Variants in VPS13C observed in about 807,000 individuals in gnomAD.
The protein encoded by VPS13C is vacuolar protein sorting 13 homolog C, also known as intermembrane lipid transfer protein VPS13C.
In VPS13C, 358 loss-of-function variants were observed where a neutral mutation model predicts 456.8. That is an observed-to-expected ratio of 0.78 (90% confidence interval 0.72 to 0.86). The LOEUF (loss-of-function observed/expected upper bound fraction) is 0.86, where lower values mean the gene tolerates loss of function less well. VPS13C is among the 40% of genes least tolerant of loss of function. The probability of loss-of-function intolerance (pLI) is 0.00; values close to 1 mark genes in which losing one functional copy is unlikely to be tolerated. For synonymous variants in VPS13C, 1,578 were observed against 1,486.7 expected (o/e 1.06, Z -1.41); for missense variants, 4,818 against 4,385.4 (o/e 1.10, Z -2.79).
rs533293823 is a variant in VPS13C at position 62,053,576 on chromosome 15, T to G, written c.100+6699A>C. Among the ~76,000 whole-genome samples the G allele has an allele frequency of 4.6e-5, 7 of 152,358 alleles. No individual in the cohort carries two copies. The South Asian group carries it at 1.4e-3, about 32-fold the overall frequency. ...CACTCATCCAATGAAGGATCTCACG[T>G]TGTTCTTGCCTTGCTCAAATCACAG... On this transcript the variant is annotated intron_variant, in intron 1 of 84. Coordinates refer to ENST00000644861, the MANE Select transcript of VPS13C (RefSeq NM_020821.3).
At chr15:61,946,804 A>T (rs779503085) in intron 43 of VPS13C, among the ~76,000 whole-genome samples, 4 of 152,056 alleles carry the variant, frequency 2.6e-5, no homozygotes, top group Non-Finnish European at 5.9e-5. Context: ...AACATTTACT[A>T]TATTATTAAA....
In VPS13C at chr15:62,037,238, ATATATATAATATATTTATATATATTATAT is replaced by A. The variant is rs1212090665; in HGVS notation, c.188-2215_188-2187del. Among the ~76,000 whole-genome samples, 25 of 53,388 alleles carry A rather than the reference ATATATATAATATATTTATATATATTATAT, an allele frequency of 4.7e-4. 1 individual carries two copies. The highest frequency in any genetic ancestry group is 1.4e-3 in the African/African-American group (18 of 12,908). The allele number at this position is 53,388 out of a possible 152,430, so 35.0% of individuals were successfully genotyped here. ...ATATTATATAATATATTATATATAA[ATATATATAATATATTTATATATATTATAT>A]TATATAATATATTATATATATTATA... On this transcript the variant is annotated intron_variant, in intron 3 of 84. Coordinates refer to ENST00000644861, the MANE Select transcript of VPS13C (RefSeq NM_020821.3).
Position 61,909,134 on chromosome 15 carries a change from G to C in VPS13C, c.8845-9C>G. ...ACCAAGATACCCCCATTCTATTGTA[G>C]AAAAAAAAAAAGTATGTTTGATGTA... On this transcript the variant is annotated splice_polypyrimidine_tract_variant and intron_variant, in intron 64 of 84. Transcript: ENST00000644861. The C allele has an allele frequency of 1.4e-6, 2 of 1,449,166 alleles. No individual in the cohort carries two copies. The highest frequency in any genetic ancestry group is 1.9e-6 in the Non-Finnish European group (2 of 1,065,690). The allele number at this position is 1,449,166 out of a possible 1,614,324, so 89.8% of individuals were successfully genotyped here. A position where few individuals can be genotyped will look rare whatever the true frequency, so the allele number is the denominator to read the frequency against.
chr15:61,987,079 C>T (rs969657751), intron 18 of VPS13C, among the ~76,000 whole-genome samples: 6 of 151,964 alleles, frequency 3.9e-5, no homozygotes, highest in African/African-American at 1.4e-4. Flanking sequence ...GCTAAAATTA[C>T]AATTTTCCCC....
chr15:61,948,729 A>G (rs2044689934), intron 42 of VPS13C, among the ~76,000 whole-genome samples: 1 of 152,108 alleles, frequency 6.6e-6, no homozygotes, highest in African/African-American at 2.4e-5. Flanking sequence ...ATCTAACAGT[A>G]CTGACAGTTT....
At chr15:61,896,043 T>C (rs1314028793) in intron 66 of VPS13C, among the ~76,000 whole-genome samples, 1 of 152,178 alleles carries the variant, frequency 6.6e-6, no homozygotes, top group African/African-American at 2.4e-5. Flanking sequence ...ATATTACAGA[T>C]ATAGCACAAT....
intron 66 of VPS13C, among the ~76,000 whole-genome samples, chr15:61,893,630 G>A (rs1012401307): frequency 4.7e-5 from 7 of 149,938 alleles, no homozygotes; most frequent in Non-Finnish European, 1.0e-4. Flanking sequence ...CATATATCTA[G>A]TATGAAGACT....
At chr15:61,968,309 A>C (rs1364376700) in intron 28 of VPS13C, among the ~76,000 whole-genome samples, 1 of 152,108 alleles carries the variant, frequency 6.6e-6, no homozygotes, top group African/African-American at 2.4e-5. Flanking sequence ...TTAAAAATAC[A>C]AAAATTTTTA....
chr15:61,979,864 G>A (rs2045820804), intron 22 of VPS13C, among the ~76,000 whole-genome samples: 1 of 152,012 alleles, frequency 6.6e-6, no homozygotes, highest in Admixed American at 6.6e-5. Flanking sequence ...AAGATCAGAA[G>A]CATTTCTTCA....
chr15:62,002,611 T>G (rs1460186472), intron 15 of VPS13C, among the ~76,000 whole-genome samples: 1 of 152,216 alleles, frequency 6.6e-6, no homozygotes, highest in African/African-American at 2.4e-5. Flanking sequence ...ATGTCCTGAA[T>G]GGTAATGTCT....
chr15:62,007,833 C>T (rs1169774893), intron 14 of VPS13C, among the ~76,000 whole-genome samples: 2 of 152,026 alleles, frequency 1.3e-5, no homozygotes, highest in African/African-American at 4.8e-5. Flanking sequence ...TGGGAACCGG[C>T]AGGGTGCTCA....
chr15:62,025,536 G>C (rs1209939189), intron 6 of VPS13C, among the ~76,000 whole-genome samples: 2 of 152,030 alleles, frequency 1.3e-5, no homozygotes, highest in East Asian at 3.9e-4. Context: ...CAAAGACATA[G>C]ACTCAGCTGC....
intron 76 of VPS13C, among the ~76,000 whole-genome samples, chr15:61,875,472 G>T (rs1895350471): frequency 6.6e-6 from 1 of 152,012 alleles, no homozygotes; most frequent in Non-Finnish European, 1.5e-5. Context: ...AGTCTTGAAA[G>T]TCTTAATCTA....
At chr15:62,012,680 T>C (rs1037807253) in intron 11 of VPS13C, among the ~76,000 whole-genome samples, 9 of 151,936 alleles carry the variant, frequency 5.9e-5, no homozygotes, top group East Asian at 1.9e-4. Context: ...CAAAGATACA[T>C]GCTTTATATC....
At chr15:61,972,232 G>T (rs1447782965) in intron 27 of VPS13C, among the ~76,000 whole-genome samples, 2 of 152,070 alleles carry the variant, frequency 1.3e-5, no homozygotes, top group Non-Finnish European at 2.9e-5. Flanking sequence ...TGGAAATTTA[G>T]GTTGTTTACA....
intron 16 of VPS13C, among the ~76,000 whole-genome samples, chr15:61,998,301 C>T (rs1317866571): frequency 4.6e-5 from 7 of 152,162 alleles, no homozygotes; most frequent in East Asian, 1.9e-4. Context: ...CACTGACTAG[C>T]TTCAGTGCTC....
intron 62 of VPS13C, among the ~76,000 whole-genome samples, chr15:61,912,345 T>C (rs911979069): frequency 1.3e-5 from 2 of 152,170 alleles, no homozygotes; most frequent in African/African-American, 4.8e-5. Context: ...ATTAGTAAAA[T>C]AAAAATTTTG....
intron 55 of VPS13C, among the ~76,000 whole-genome samples, chr15:61,921,649 G>C (rs574975910): frequency 2.0e-5 from 3 of 152,038 alleles, no homozygotes; most frequent in African/African-American, 7.2e-5. Context: ...AGTGAGAAGA[G>C]GAACATACAC....
At chr15:61,887,584 A>T (rs1429682898) in intron 67 of VPS13C, among the ~76,000 whole-genome samples, 1 of 152,128 alleles carries the variant, frequency 6.6e-6, no homozygotes, top group Non-Finnish European at 1.5e-5. Flanking sequence ...CCAGATACTC[A>T]GGAGGCTGAG....
Sources: allele counts gnomAD v4.1 joint callset (sites outside exome capture counted in the v4.1 genomes callset), GRCh38; gene constraint gnomAD v4.1.1; transcripts MANE v1.5; gene names NCBI Gene and HGNC (gene_info 2026-07-23, HGNC 2026-07-21).